The following TSEN2 variants were observed in gnomAD, a reference collection of about 807,000 sequenced individuals.
TSEN2 encodes the protein tRNA splicing endonuclease subunit 2, also known as tRNA-splicing endonuclease subunit Sen2.
TSEN2 carries 54 observed loss-of-function variants against 59.2 expected under a neutral mutation model. The observed-to-expected ratio is 0.91, with a 90% CI of 0.73 to 1.14. TSEN2 has a LOEUF of 1.14. TSEN2 is among the 50% of genes most tolerant of loss of function. TSEN2 has a pLI of 0.00. For synonymous variants in TSEN2, 195 were observed against 198.2 expected (o/e 0.98, Z 0.14); for missense variants, 636 against 576.2 (o/e 1.10, Z -1.06).
At chr3:12,515,643 G>A (rs1485947028) in intron 6 of TSEN2, among the ~76,000 whole-genome samples, 3 of 152,188 alleles carry the variant, frequency 2.0e-5, no homozygotes, top group Admixed American at 1.3e-4. Flanking sequence ...GTGTTTGGCA[G>A]TGTATTACTT....
intron 6 of TSEN2, among the ~76,000 whole-genome samples, chr3:12,510,877 A>C (rs1232308004): frequency 6.6e-6 from 1 of 152,216 alleles, no homozygotes; most frequent in Non-Finnish European, 1.5e-5. Context: ...TTTAGCAAGA[A>C]TATATACTTA....
intron 6 of TSEN2, among the ~76,000 whole-genome samples, chr3:12,515,756 C>A (rs1008745843): frequency 3.3e-5 from 5 of 152,160 alleles, no homozygotes; most frequent in African/African-American, 1.2e-4. Context: ...TAAAATATAT[C>A]ATTATGTGAG....
At chr3:12,520,189 A>G (rs2056519062) in intron 8 of TSEN2, among the ~76,000 whole-genome samples, 1 of 152,048 alleles carries the variant, frequency 6.6e-6, no homozygotes, top group Non-Finnish European at 1.5e-5. Flanking sequence ...TAGTACAGAC[A>G]AGGTTTCCCC....
intron 8 of TSEN2, among the ~76,000 whole-genome samples, chr3:12,521,584 G>T (rs1218746901): frequency 6.6e-6 from 1 of 152,122 alleles, no homozygotes; most frequent in Admixed American, 6.6e-5. Context: ...GTGTGGTGGT[G>T]CATGCCTGTA....
At chr3:12,531,710 A>G in intron 11 of TSEN2, 51 bp downstream of exon 11, 1 of 1,235,118 alleles carries the variant, frequency 8.1e-7, no homozygotes. Context: ...TGTGAATCAT[A>G]GTGTATCTGG....
chr3:12,510,732 A>G (rs946020918), intron 6 of TSEN2, among the ~76,000 whole-genome samples: 1 of 152,124 alleles, frequency 6.6e-6, no homozygotes, highest in Non-Finnish European at 1.5e-5. Flanking sequence ...ATTCTTCCCT[A>G]GAATTTTGTG....
upstream of TSEN2, among the ~76,000 whole-genome samples, chr3:12,480,822 C>CCG (rs1176038297): frequency 1.3e-5 from 2 of 152,116 alleles, no homozygotes; most frequent in Non-Finnish European, 2.9e-5. Flanking sequence ...GCATAAGTCA[C>CCG]CGCGCCCGGC....
chr3:12,534,030 A>G (rs957797767), downstream of TSEN2, among the ~76,000 whole-genome samples: 5 of 152,158 alleles, frequency 3.3e-5, no homozygotes, highest in Non-Finnish European at 7.4e-5. Flanking sequence ...CCAGTCATGC[A>G]CGTGGAGGAC....
At position 12,532,764 on chromosome 3, in the gene TSEN2, T is replaced by C. The variant is rs2057545917; in HGVS notation, c.*43T>C. On this transcript the variant is annotated 3_prime_UTR_variant, in exon 12 of 12. Coordinates refer to ENST00000284995, the MANE Select transcript of TSEN2 (RefSeq NM_025265.4). Reference sequence around the variant, plus strand: ...TCTAATTTCACCAACAACTATTTATTGAGGGCTAGGTAAAAAGTTCTTTTT... The same window carrying C: ...TCTAATTTCACCAACAACTATTTATCGAGGGCTAGGTAAAAAGTTCTTTTT... 6.3e-7 allele frequency: 1 copy of C among 1,595,678 alleles called. No individual in the cohort carries two copies. Among genetic ancestry groups the C allele is most frequent in the Non-Finnish European group, 8.6e-7 (1 of 1,163,480 alleles).
intron 1 of TSEN2, among the ~76,000 whole-genome samples, chr3:12,485,181 G>A (rs1321271401): frequency 1.3e-5 from 2 of 152,172 alleles, no homozygotes; most frequent in Non-Finnish European, 2.9e-5. Context: ...GCGTGTTTTG[G>A]TTGGGAGAAG....
At chr3:12,519,415 A>G (rs2056430378) in intron 8 of TSEN2, among the ~76,000 whole-genome samples, 1 of 152,220 alleles carries the variant, frequency 6.6e-6, no homozygotes, top group African/African-American at 2.4e-5. Context: ...TTGCAACGCC[A>G]GTTCAGGCTT....
At position 12,505,203 on chromosome 3, in the gene TSEN2, T is replaced by C; in HGVS notation, c.881T>C (p.Phe294Ser). Reference protein sequence around the residue: ...LICRRNPYRIFEYLQLSLEEA... With the variant: ...LICRRNPYRISEYLQLSLEEA... Reference sequence around the variant, plus strand: ...TGCAGAAGAAATCCATATAGGATCTTTGAGTATTTGCAACTCAGCCTAGAA... The same window carrying C: ...TGCAGAAGAAATCCATATAGGATCTCTGAGTATTTGCAACTCAGCCTAGAA... Residue 294 changes from phenylalanine to serine, a missense_variant, in exon 6 of 12, where the codon TTT becomes TCT. Transcript: ENST00000284995. 6.2e-7 allele frequency: 1 copy of C among 1,612,262 alleles called. No individual in the cohort carries two copies. The highest frequency in any genetic ancestry group is 8.5e-7 in the Non-Finnish European group (1 of 1,178,284).
At chr3:12,520,063 A>G (rs763365743) in intron 8 of TSEN2, among the ~76,000 whole-genome samples, 2 of 151,934 alleles carry the variant, frequency 1.3e-5, no homozygotes, top group African/African-American at 2.4e-5. Flanking sequence ...CAGTGGCACA[A>G]TCTTGGCTCA....
At chr3:12,490,519 G>C (rs920606164) in intron 2 of TSEN2, among the ~76,000 whole-genome samples, 1 of 152,138 alleles carries the variant, frequency 6.6e-6, no homozygotes, top group Non-Finnish European at 1.5e-5. Flanking sequence ...CATTGATCAA[G>C]TTGAATGAAG....
chr3:12,502,990 G>A (rs1427604951), intron 4 of TSEN2, among the ~76,000 whole-genome samples: 5 of 151,978 alleles, frequency 3.3e-5, no homozygotes, highest in African/African-American at 1.2e-4. Flanking sequence ...AGAATTGCTT[G>A]AACCCAGGAG....
intron 6 of TSEN2, among the ~76,000 whole-genome samples, chr3:12,508,644 C>T (rs1404212554): frequency 1.3e-5 from 2 of 152,180 alleles, no homozygotes; most frequent in Non-Finnish European, 2.9e-5. Context: ...CAGATGTGGA[C>T]ATGCGGCCTT....
chr3:12,505,775 C>G (rs1014092596), intron 6 of TSEN2, among the ~76,000 whole-genome samples: 1 of 125,612 alleles, frequency 8.0e-6, no homozygotes, highest in Admixed American at 8.6e-5. Context: ...CAGAATGAAA[C>G]TCTGTCTCAA....
In TSEN2 at chr3:12,484,515, A is replaced by C. The variant is rs2052383060; in HGVS notation, c.-383A>C. On this transcript the variant is annotated 5_prime_UTR_variant, in exon 1 of 12. Coordinates refer to ENST00000284995, the MANE Select transcript of TSEN2 (RefSeq NM_025265.4). ...TAACGGCGAGCGCGTGGGGCCAAGA[A>C]AGGTAAGGGCCCTGGGCGAGGAAAG... 1 of 152,218 alleles carries C rather than the reference A, an allele frequency of 6.6e-6. No individual in the cohort carries two copies. The highest frequency in any genetic ancestry group is 2.4e-5 in the African/African-American group (1 of 41,458). The allele number at this position is 152,218 out of a possible 1,614,324, so 9.4% of individuals were successfully genotyped here.
intron 7 of TSEN2, among the ~76,000 whole-genome samples, chr3:12,517,499 T>G (rs1000573951): frequency 2.0e-5 from 3 of 152,306 alleles, no homozygotes; most frequent in Admixed American, 6.5e-5. Context: ...GACTTTGTGC[T>G]GTTGTTGCCT....
Sources: allele counts gnomAD v4.1 joint callset (sites outside exome capture counted in the v4.1 genomes callset), GRCh38; gene constraint gnomAD v4.1.1; transcripts MANE v1.5; gene names NCBI Gene and HGNC (gene_info 2026-07-23, HGNC 2026-07-21).